CDCP2: variants seen among roughly 807,000 people sequenced by gnomAD.
The protein encoded by CDCP2 is CUB domain containing protein 2, also known as CUB domain-containing protein 2.
A neutral mutation model predicts 31.0 loss-of-function variants in CDCP2; 31 were observed. The ratio of observed to expected loss-of-function variants is 1.00; its 90% confidence interval spans 0.75 to 1.35. The LOEUF (loss-of-function observed/expected upper bound fraction) is 1.35. CDCP2 is among the 40% of genes most tolerant of loss of function. The pLI, the probability that CDCP2 is intolerant of heterozygous loss-of-function variation, is 0.00. For missense variants in CDCP2, 443 were observed against 482.6 expected (o/e 0.92, Z 0.77); for synonymous variants, 206 against 207.9 (o/e 0.99, Z 0.08).
At chr1:54,144,513 G>A (rs999292470) in exon 2 of CDCP2, 5 of 1,604,418 alleles carry the variant, frequency 3.1e-6, no homozygotes, top group Middle Eastern at 1.7e-4. Context: ...ATGCTTGTCC[G>A]AGTGGAAGAT....
intron 1 of CDCP2, among the ~76,000 whole-genome samples, chr1:54,150,631 A>G (rs72908008): frequency 0.1 from 15,168 of 151,824 alleles, 854 homozygotes; most frequent in African/African-American, 0.14. Flanking sequence ...TATGCTCAGG[A>G]CTTAAGGAAA....
intron 1 of CDCP2, among the ~76,000 whole-genome samples, chr1:54,148,067 A>T (rs1341486409): frequency 6.6e-6 from 1 of 151,812 alleles, no homozygotes; most frequent in African/African-American, 2.4e-5. Context: ...GCCTTAATGA[A>T]ATAATGGATC....
At chr1:54,133,824 A>T (rs576269140) in intron 5 of CDCP2, among the ~76,000 whole-genome samples, 24 of 151,594 alleles carry the variant, frequency 1.6e-4, no homozygotes, top group African/African-American at 5.6e-4. Flanking sequence ...TGAACCCGGG[A>T]GGTGGAGCTT....
intron 1 of CDCP2, among the ~76,000 whole-genome samples, chr1:54,149,109 A>T (rs583414): frequency 1 from 150,555 of 150,742 alleles, 75,191 homozygotes; most frequent in Middle Eastern, 1. Context: ...AGTGCTCCTG[A>T]GGTCCCAGCT....
chr1:54,139,243 T>C (rs867614222), intron 4 of CDCP2: 31 of 393,832 alleles, frequency 7.9e-5, no homozygotes, highest in Middle Eastern at 1.4e-3. Context: ...GAGATAACAT[T>C]TGGAACAGTG....
intron 4 of CDCP2, 24 bp downstream of exon 4, chr1:54,139,729 A>G: frequency 6.2e-7 from 1 of 1,614,150 alleles, no homozygotes; most frequent in Non-Finnish European, 8.5e-7. Context: ...CCCTCAGTGG[A>G]CCCACTCCCA....
Position 54,136,811 on chromosome 1 carries a change from G to A in CDCP2, c.1118-3C>T. 1 of 399,256 alleles carries A rather than the reference G, an allele frequency of 2.5e-6. No homozygotes were observed. The highest frequency in any genetic ancestry group is 4.4e-6 in the Non-Finnish European group (1 of 226,214). The allele number at this position is 399,256 out of a possible 1,614,324, so 24.7% of individuals were successfully genotyped here. A position where few individuals can be genotyped will look rare whatever the true frequency, so the allele number is the denominator to read the frequency against. On this transcript the variant is annotated splice_region_variant and splice_polypyrimidine_tract_variant and intron_variant, in intron 4 of 5. Transcript: ENST00000530059. ...GCAGCTCACGTTCATGGGCACCACT[G>A]GGAATCGGAGGGAGGAGCTGGAAGC...
In CDCP2 at chr1:54,151,354, C is replaced by T. The variant is rs9970795; in HGVS notation, c.79+1490G>A. Among the ~76,000 whole-genome samples, 985 of 152,220 alleles carry T rather than the reference C, an allele frequency of 6.5e-3. 9 individuals are homozygous for T. Among genetic ancestry groups the T allele is most frequent in the African/African-American group, 0.023 (941 of 41,522 alleles). On this transcript the variant is annotated intron_variant, in intron 1 of 5. Coordinates refer to ENST00000530059, the Ensembl canonical transcript of CDCP2. ...GGGCAGGAATGGCATCTAATTCATG[C>T]CTTTATGGCAAAAGGACAAATAGAT...
Position 54,144,797 on chromosome 1 carries a change from AC to A in CDCP2, c.95del (p.Gly32ValfsTer28). ...AGTTTCCAGAAGGTGCTGAGAGCAC[AC>A]CCCCACATTTGACACCTGGGGCAAG... On this transcript the variant is annotated frameshift_variant, in exon 2 of 6. Coordinates refer to ENST00000530059, the Ensembl canonical transcript of CDCP2. LOFTEE classifies it high-confidence loss of function. The A allele has an allele frequency of 1.2e-6, 2 of 1,610,834 alleles. No individual in the cohort carries two copies.
exon 3 of CDCP2, chr1:54,141,127 C>T: frequency 6.5e-7 from 1 of 1,540,282 alleles, no homozygotes; most frequent in South Asian, 1.3e-5. Flanking sequence ...GAAGCCACGG[C>T]CTCCGATGTT....
chr1:54,133,913 C>CAAAAAAA (rs1553173250), intron 5 of CDCP2, among the ~76,000 whole-genome samples: 50 of 144,668 alleles, frequency 3.5e-4, no homozygotes, highest in African/African-American at 5.6e-4. Flanking sequence ...AACAAACAAA[C>CAAAAAAA]AAAAAAAACC....
intron 2 of CDCP2, chr1:54,142,794 G>A (rs568733365): frequency 1.3e-5 from 2 of 152,224 alleles, no homozygotes; most frequent in African/African-American, 4.8e-5. Context: ...AACCTTCGCG[G>A]AGACTTCCCA....
exon 6 of CDCP2, chr1:54,132,979 T>C (rs991476252): frequency 4.3e-5 from 17 of 398,826 alleles, no homozygotes; most frequent in African/African-American, 3.5e-4. Context: ...CAAAGCAGCA[T>C]CAAGACCACG....
chr1:54,141,186 G>A lies in CDCP2; in HGVS notation c.675C>T (p.Thr225=), dbSNP rs374171155. ...GCAGTTCGTGGCCCAGAGACACGAG[G>A]GTGGGGGGCCTGGTGCTGCCACAGT... is the stretch of plus-strand genomic sequence containing the variant. Residue 225 remains threonine (T), a synonymous_variant, in exon 3 of 6, where the codon ACC becomes ACT. Transcript: ENST00000530059. 5.0e-6 allele frequency: 8 copies of A among 1,595,454 alleles called. No individual in the cohort carries two copies. In the African/African-American group the frequency reaches 9.4e-5, roughly 19 times the overall value.
intron 1 of CDCP2, among the ~76,000 whole-genome samples, chr1:54,151,831 C>T (rs676200): frequency 0.02 from 2,994 of 152,144 alleles, 101 homozygotes; most frequent in African/African-American, 0.069. Context: ...CCAGTGAAGG[C>T]GCATGTGAGG....
exon 4 of CDCP2, chr1:54,139,917 T>C (rs1241535965): frequency 6.2e-7 from 1 of 1,614,026 alleles, no homozygotes; most frequent in African/African-American, 1.3e-5. Flanking sequence ...GGCCGCCAGA[T>C]GGTCAAAGTC....
intron 1 of CDCP2, among the ~76,000 whole-genome samples, chr1:54,147,971 C>T (rs891231386): frequency 2.7e-5 from 4 of 150,744 alleles, no homozygotes; most frequent in African/African-American, 9.9e-5. Flanking sequence ...ATGGTGGAAC[C>T]ACTGCACTCC....
chr1:54,141,605 C>T (rs2100424864), intron 2 of CDCP2, 172 bp from the exon 3 acceptor site: 2 of 597,078 alleles, frequency 3.3e-6, no homozygotes, highest in Non-Finnish European at 6.0e-6. Flanking sequence ...TGCTCAGGCC[C>T]AGCATTTGGC....
chr1:54,152,976 A>G (rs992782585), upstream of CDCP2: 1 of 1,546,156 alleles, frequency 6.5e-7, no homozygotes, highest in African/African-American at 1.4e-5. Flanking sequence ...CCAGGATCTC[A>G]GGGTCCGGAG....
Sources: allele counts gnomAD v4.1 joint callset (sites outside exome capture counted in the v4.1 genomes callset), GRCh38; gene constraint gnomAD v4.1.1; transcripts MANE v1.5; gene names NCBI Gene and HGNC (gene_info 2026-07-23, HGNC 2026-07-21).